The following TMPRSS3 variants were observed in gnomAD, a reference collection of about 807,000 sequenced individuals.
The protein encoded by TMPRSS3 is transmembrane serine protease 3.
In TMPRSS3, 55 loss-of-function variants were observed where a neutral mutation model predicts 59.6. The observed-to-expected ratio is 0.92, with a 90% CI of 0.74 to 1.16. The LOEUF is 1.16. Among genes scored for constraint, TMPRSS3 ranks in the 50% most tolerant of loss-of-function variants. TMPRSS3 has a pLI of 0.00. For missense variants in TMPRSS3, 596 were observed against 579.4 expected (o/e 1.03, Z -0.29); for synonymous variants, 257 against 237.7 (o/e 1.08, Z -0.75).
Position 42,376,603 on chromosome 21 carries a change from C to T in TMPRSS3, c.1129G>A (p.Gly377Ser), listed in dbSNP as rs1323462553. Reference protein sequence around the residue: ...KICNHRDVYGGIISPSMLCAG... With the variant: ...KICNHRDVYGSIISPSMLCAG... ...CAGAGCATGGAGGGGGAGATGATGC[C>T]ACCGTACACGTCCCTGTGGTTGCAG... is the stretch of plus-strand genomic sequence containing the variant. The change falls in exon 11 of 13, where the codon GGC (glycine) becomes AGC (serine). Residue 377 changes from glycine (G) to serine (S), a missense_variant. Physicochemically the swap from Gly to Ser is moderately conservative, Grantham distance 56. Transcript: ENST00000644384. 6.8e-6 allele frequency: 11 copies of T among 1,614,052 alleles called. No homozygotes were observed. The highest frequency in any genetic ancestry group is 9.3e-6 in the Non-Finnish European group (11 of 1,180,036).
intron 10 of TMPRSS3, among the ~76,000 whole-genome samples, chr21:42,377,967 C>T (rs1270516295): frequency 1.3e-5 from 2 of 152,260 alleles, no homozygotes; most frequent in Non-Finnish European, 2.9e-5. Flanking sequence ...GTTGCACAGC[C>T]TCCTCTTCAG....
intron 8 of TMPRSS3, 66 bp from the exon 9 acceptor site, chr21:42,382,300 G>T: frequency 6.9e-7 from 1 of 1,442,280 alleles, no homozygotes; most frequent in Non-Finnish European, 9.6e-7. Flanking sequence ...TTGACCTCAG[G>T]TATCCTGAAA....
rs557255409 is a variant in TMPRSS3, at chr21:42,383,863, G to A, written c.616+107C>T. On this transcript the variant is annotated intron_variant, in intron 7 of 12. Transcript: ENST00000644384. ...CACAGAGTTCCCGCCTGGCACCCAG[G>A]AGGAAGGGATACAGAGCCCCATGGG... The A allele has an allele frequency of 2.2e-5, 27 of 1,226,138 alleles. No homozygotes were observed. The African/African-American group carries it at 3.6e-4, about 16-fold the overall frequency. 76.0% of individuals were successfully genotyped at this position (1,226,138 alleles called of 1,614,324 possible). A position where few individuals can be genotyped will look rare whatever the true frequency, so the allele number is the denominator to read the frequency against.
chr21:42,391,178 T>G (rs1431779529), intron 2 of TMPRSS3, among the ~76,000 whole-genome samples: 1 of 152,190 alleles, frequency 6.6e-6, no homozygotes, highest in Non-Finnish European at 1.5e-5. Flanking sequence ...CCAGAGGAGA[T>G]GCAAGGACAA....
intron 6 of TMPRSS3, among the ~76,000 whole-genome samples, chr21:42,384,412 A>T (rs1326864305): frequency 6.6e-6 from 1 of 151,928 alleles, no homozygotes; most frequent in Non-Finnish European, 1.5e-5. Flanking sequence ...GCTCTCTAGG[A>T]CTCCTTGTAG....
At chr21:42,394,942 G>A (rs181347876) in intron 2 of TMPRSS3, among the ~76,000 whole-genome samples, 26 of 152,288 alleles carry the variant, frequency 1.7e-4, no homozygotes, top group African/African-American at 5.5e-4. Context: ...TATCTTTGGC[G>A]ACATCCAGTT....
intron 2 of TMPRSS3, chr21:42,390,420 G>A (rs894367320): frequency 2.0e-5 from 5 of 256,394 alleles, no homozygotes; most frequent in Middle Eastern, 1.4e-3. Context: ...CAACGTGGCT[G>A]TTGCCCTTAT....
intron 10 of TMPRSS3, among the ~76,000 whole-genome samples, chr21:42,379,882 T>A (rs1440283074): frequency 6.6e-6 from 1 of 152,028 alleles, no homozygotes; most frequent in Non-Finnish European, 1.5e-5. Context: ...TTCGAGAAGG[T>A]CTAACTCTCT....
Position 42,380,227 on chromosome 21 carries a change from A to T in TMPRSS3, c.953-15T>A. 6.3e-7 allele frequency: 1 copy of T among 1,596,732 alleles called. No individual in the cohort carries two copies. Among genetic ancestry groups the T allele is most frequent in the Non-Finnish European group, 8.6e-7 (1 of 1,164,538 alleles). On this transcript the variant is annotated splice_polypyrimidine_tract_variant and intron_variant, in intron 9 of 12. Coordinates refer to ENST00000644384, the MANE Select transcript of TMPRSS3 (RefSeq NM_001256317.3). ...CTGGATCATTTCTGCTTGAAGGGAA[A>T]CAATAGTTCACAACTCAATTGAAGC...
chr21:42,385,557 G>A, intron 5 of TMPRSS3, 23 bp from the exon 6 acceptor site: 1 of 1,613,782 alleles, frequency 6.2e-7, no homozygotes, highest in Non-Finnish European at 8.5e-7. Flanking sequence ...TGGAAAGACA[G>A]ACCCGACGTG....
chr21:42,373,412 C>G (rs1349176065), intron 12 of TMPRSS3, among the ~76,000 whole-genome samples: 1 of 152,156 alleles, frequency 6.6e-6, no homozygotes, highest in Non-Finnish European at 1.5e-5. Flanking sequence ...GAGCAGGGGC[C>G]CCAGGCATCG....
chr21:42,387,081 C>T lies in TMPRSS3; in HGVS notation c.446+1322G>A, dbSNP rs114692449. On this transcript the variant is annotated intron_variant, in intron 5 of 12. Transcript: ENST00000644384. ...CAAACGGGCTGGGGTGGAAGAGAGA[C>T]GGGAAGGCTACCCCCACCATGAGTG... is the stretch of plus-strand genomic sequence containing the variant. Among the ~76,000 whole-genome samples, 621 of 125,040 alleles carry T rather than the reference C, an allele frequency of 5.0e-3. 1 individual carries two copies. Among genetic ancestry groups the T allele is most frequent in the African/African-American group, 0.02 (531 of 27,196 alleles). The allele number at this position is 125,040 out of a possible 152,430, so 82.0% of individuals were successfully genotyped here.
chr21:42,389,145 T>A, intron 3 of TMPRSS3, 100 bp from the exon 4 acceptor site: 1 of 1,569,030 alleles, frequency 6.4e-7, no homozygotes. Flanking sequence ...GGCCCGTGAA[T>A]AATGAAACCT....
At chr21:42,395,628 G>A (rs921866554) in intron 1 of TMPRSS3, 160 bp from the exon 2 acceptor site, 19 of 498,830 alleles carry the variant, frequency 3.8e-5, no homozygotes, top group South Asian at 1.6e-4. Flanking sequence ...ATGCATTTTC[G>A]TCTGAGCTAC....
chr21:42,378,931 C>T (rs1318348839), intron 10 of TMPRSS3, among the ~76,000 whole-genome samples: 1 of 151,844 alleles, frequency 6.6e-6, no homozygotes, highest in Non-Finnish European at 1.5e-5. Flanking sequence ...GTCACCCAAG[C>T]TGGAGTGGAG....
At chr21:42,375,025 T>A (rs906982486) in intron 12 of TMPRSS3, among the ~76,000 whole-genome samples, 114 of 151,956 alleles carry the variant, frequency 7.5e-4, no homozygotes, top group African/African-American at 2.6e-3. Flanking sequence ...CCAGCAAATG[T>A]TTCCCCGGCG....
At chr21:42,390,679 G>A (rs2052721815) in intron 2 of TMPRSS3, among the ~76,000 whole-genome samples, 1 of 152,186 alleles carries the variant, frequency 6.6e-6, no homozygotes. Flanking sequence ...AGTGAGCTGA[G>A]ATCGCACTGC....
At chr21:42,384,980 G>A (rs555010964) in intron 6 of TMPRSS3, among the ~76,000 whole-genome samples, 1 of 135,394 alleles carries the variant, frequency 7.4e-6, no homozygotes, top group East Asian at 2.3e-4. Flanking sequence ...CGTAAACAAA[G>A]AAGGATAAAT....
At chr21:42,395,603 A>G (rs924062477) in intron 1 of TMPRSS3, 135 bp from the exon 2 acceptor site, 1 of 631,614 alleles carries the variant, frequency 1.6e-6, no homozygotes, top group Non-Finnish European at 2.9e-6. Context: ...AACCAAAAAC[A>G]GTCATCTGGT....
Sources: gnomAD v4.1 joint callset for allele counts (sites outside exome capture counted in the v4.1 genomes callset) on GRCh38, gnomAD v4.1.1 for gene constraint, MANE v1.5 for transcripts, NCBI Gene and HGNC (gene_info 2026-07-23, HGNC 2026-07-21) for gene names.